The following DAP3 variants were observed in gnomAD, a reference collection of about 807,000 sequenced individuals.
DAP3 encodes the protein small ribosomal subunit protein mS29.
A neutral mutation model predicts 51.9 loss-of-function variants in DAP3; 28 were observed. The observed-to-expected ratio is 0.54, with a 90% confidence interval of 0.40 to 0.74. DAP3 has a LOEUF of 0.74. Ranked by LOEUF, DAP3 falls within the 30% of genes least tolerant of loss-of-function variation. The pLI, the probability that DAP3 is intolerant of heterozygous loss-of-function variation, is 0.00. For synonymous variants in DAP3, 170 were observed against 170.3 expected, an observed-to-expected ratio of 1.00 and a Z score of 0.01; for missense variants, 458 against 483.5, an observed-to-expected ratio of 0.95 and a Z score of 0.49.
At chr1:155,722,019 C>A in intron 4 of DAP3, 1 of 241,046 alleles carries the variant, frequency 4.1e-6, no homozygotes. Context: ...AAAATGTTAT[C>A]AAACTTGCCT....
chr1:155,727,995 T>A (rs976289064), intron 7 of DAP3, among the ~76,000 whole-genome samples: 121 of 151,966 alleles, frequency 8.0e-4, no homozygotes, highest in Non-Finnish European at 1.5e-3. Flanking sequence ...CTTTTCAAGG[T>A]ACAGCCTCCA....
At chr1:155,712,281 A>G (rs889195114) in intron 2 of DAP3, among the ~76,000 whole-genome samples, 74 of 152,192 alleles carry the variant, frequency 4.9e-4, no homozygotes, top group Admixed American at 4.6e-4. Flanking sequence ...AGTCTACTTG[A>G]GTGATAACAT....
chr1:155,701,054 G>T (rs939267116), intron 1 of DAP3, among the ~76,000 whole-genome samples: 4 of 132,918 alleles, frequency 3.0e-5, no homozygotes, highest in East Asian at 4.4e-4. Flanking sequence ...AGGGAGGTGG[G>T]GGGGGGTCAG....
upstream of DAP3, chr1:155,688,972 T>C (rs757652844): frequency 1.9e-6 from 3 of 1,609,072 alleles, no homozygotes; most frequent in South Asian, 2.2e-5. Flanking sequence ...CGCCTCCTCC[T>C]CCATGGGACC....
chr1:155,688,760 G>A, upstream of DAP3: 1 of 1,518,960 alleles, frequency 6.6e-7, no homozygotes, highest in Non-Finnish European at 8.8e-7. Context: ...GCCGCCGCCA[G>A]CACCCCCACC....
At chr1:155,697,717 T>C (rs778195887) in intron 1 of DAP3, among the ~76,000 whole-genome samples, 19 of 152,060 alleles carry the variant, frequency 1.2e-4, no homozygotes, top group Non-Finnish European at 2.5e-4. Context: ...GCTGGGCACA[T>C]TGGACGTTGA....
chr1:155,716,856 A>C, intron 2 of DAP3, 150 bp from the exon 3 acceptor site: 1 of 1,074,976 alleles, frequency 9.3e-7, no homozygotes, highest in Non-Finnish European at 1.3e-6. Flanking sequence ...CTGAGGCAGG[A>C]GAATCACTTG....
chr1:155,693,169 T>A (rs573380713), intron 1 of DAP3, among the ~76,000 whole-genome samples: 1 of 141,806 alleles, frequency 7.1e-6, no homozygotes, highest in South Asian at 2.1e-4. Flanking sequence ...TGTTTTCACA[T>A]CAAACGTGGA....
Position 155,723,235 on chromosome 1 carries a change from A to T in DAP3, c.270+1617A>T, listed in dbSNP as rs867684167. Among the ~76,000 whole-genome samples the T allele has an allele frequency of 4.6e-5, 7 of 152,086 alleles. No homozygotes were observed. In the East Asian group the frequency reaches 1.4e-3, roughly 29 times the overall value. ...GTGGCGTGACCACAGCCCACAGCAC[A>T]CTCTACATCTCTGACCTCCTGGGCT... On this transcript the variant is annotated intron_variant, in intron 4 of 12. Coordinates refer to ENST00000368336, the MANE Select transcript of DAP3 (RefSeq NM_004632.4).
At chr1:155,693,302 G>A (rs1357482295) in intron 1 of DAP3, among the ~76,000 whole-genome samples, 1 of 141,764 alleles carries the variant, frequency 7.1e-6, no homozygotes, top group East Asian at 1.9e-4. Context: ...GGCGCCATTC[G>A]GTTGGAAGAA....
chr1:155,709,118 G>A (rs1656377093), intron 1 of DAP3: 1 of 152,018 alleles, frequency 6.6e-6, no homozygotes, highest in South Asian at 2.1e-4. Context: ...AAAGTGCTGG[G>A]ATTACAGGTA....
intron 9 of DAP3, among the ~76,000 whole-genome samples, chr1:155,729,589 G>A (rs1214704941): frequency 6.6e-6 from 1 of 151,982 alleles, no homozygotes; most frequent in Non-Finnish European, 1.5e-5. Flanking sequence ...AGACTAGGAT[G>A]GGCACTATAG....
At chr1:155,688,237 G>C, upstream of DAP3, 3 of 1,611,952 alleles carry the variant, frequency 1.9e-6, no homozygotes, top group Non-Finnish European at 1.7e-6. Context: ...GGGAAAGGTG[G>C]AGGGCTAAAG....
At chr1:155,697,397 A>G (rs925642700) in intron 1 of DAP3, among the ~76,000 whole-genome samples, 2 of 152,202 alleles carry the variant, frequency 1.3e-5, no homozygotes, top group Non-Finnish European at 1.5e-5. Flanking sequence ...CCAGCCCCCA[A>G]TATTTCAACA....
intron 11 of DAP3, among the ~76,000 whole-genome samples, chr1:155,735,946 A>G (rs982607735): frequency 5.3e-5 from 8 of 151,334 alleles, no homozygotes; most frequent in African/African-American, 9.7e-5. Flanking sequence ...AGTTTAAGCA[A>G]TTCTTCTGCC....
chr1:155,738,520 T>C lies in DAP3; in HGVS notation c.*278T>C, dbSNP rs1557807639. 8.2e-6 allele frequency: 3 copies of C among 366,826 alleles called. No individual in the cohort carries two copies. The highest frequency in any genetic ancestry group is 5.7e-5 in the South Asian group (1 of 17,474). 22.7% of individuals were successfully genotyped at this position (366,826 alleles called of 1,614,324 possible). On this transcript the variant is annotated 3_prime_UTR_variant, in exon 13 of 13. Coordinates refer to ENST00000368336, the MANE Select transcript of DAP3 (RefSeq NM_004632.4). ...GGCTCTTTTCCTAAAAAATAAAATA[T>C]CTTTCTAAAGTGTTGTGTTAGATTA...
intron 1 of DAP3, among the ~76,000 whole-genome samples, chr1:155,690,010 C>G (rs1180780548): frequency 2.8e-5 from 4 of 143,056 alleles, no homozygotes; most frequent in Non-Finnish European, 4.4e-5. Context: ...ATTTACAGTT[C>G]TGTTGATGTC....
At chr1:155,700,612 G>A (rs1309215937) in intron 1 of DAP3, among the ~76,000 whole-genome samples, 3 of 145,126 alleles carry the variant, frequency 2.1e-5, no homozygotes, top group Non-Finnish European at 3.0e-5. Context: ...TCCGGGAGGT[G>A]AGGGGCGCCT....
chr1:155,727,807 T>C (rs1631717), intron 7 of DAP3, 69 bp downstream of exon 7: 22 of 1,536,002 alleles, frequency 1.4e-5, no homozygotes, highest in East Asian at 2.3e-5. Flanking sequence ...TGAGTACCAA[T>C]AGACTATGGA....
Sources: gnomAD v4.1 joint callset for allele counts (sites outside exome capture counted in the v4.1 genomes callset) on GRCh38, gnomAD v4.1.1 for gene constraint, MANE v1.5 for transcripts, NCBI Gene and HGNC (gene_info 2026-07-23, HGNC 2026-07-21) for gene names.